Variants in ARSF observed in about 807,000 individuals in gnomAD.
The protein encoded by ARSF is arylsulfatase F.
ARSF carries 33 observed loss-of-function variants against 35.4 expected under a neutral mutation model. The observed-to-expected ratio is 0.93, with a 90% CI of 0.71 to 1.25. The LOEUF (loss-of-function observed/expected upper bound fraction) is 1.25, where lower values mean the gene tolerates loss of function less well. Among genes scored for constraint, ARSF ranks in the 50% most tolerant of loss-of-function variants. The pLI is 0.00. For synonymous variants in ARSF, 222 were observed against 193.1 expected (o/e 1.15, Z -1.24); for missense variants, 501 against 480.2 (o/e 1.04, Z -0.40).
At chrX:3,047,295 C>T (rs1253332525) in intron 1 of ARSF, among the ~76,000 whole-genome samples, 1 of 110,200 alleles carries the variant, frequency 9.1e-6, no homozygotes, top group Non-Finnish European at 1.9e-5. Context: ...TCTCCCACCT[C>T]AGCCTCCTGA....
intron 7 of ARSF, among the ~76,000 whole-genome samples, chrX:3,092,339 T>A (rs1199690008): frequency 8.9e-6 from 1 of 111,932 alleles, no homozygotes; most frequent in East Asian, 2.8e-4. Context: ...TATTTTTGAT[T>A]TGATCTTTGA....
chrX:3,080,912 G>C lies in ARSF; in HGVS notation c.305G>C (p.Arg102Thr). 8.3e-7 allele frequency: 1 copy of C among 1,211,417 alleles called. No individual in the cohort carries two copies. The highest frequency in any genetic ancestry group is 1.1e-6 in the Non-Finnish European group (1 of 895,316). Residue 102 changes from arginine to threonine, a missense_variant, in exon 5 of 11, where the codon AGA becomes ACA. Coordinates refer to ENST00000381127, the MANE Select transcript of ARSF (RefSeq NM_001201539.2). ...IRSGMVSSGN[R>T]RVIQNLAVPA... ...CTAGGTATGGTTTCTAGTGGTAATA[G>C]ACGTGTCATCCAAAATCTTGCAGTC...
At chrX:3,048,521 G>A (rs1342481815) in intron 1 of ARSF, among the ~76,000 whole-genome samples, 1 of 112,336 alleles carries the variant, frequency 8.9e-6, no homozygotes, top group African/African-American at 3.2e-5. Flanking sequence ...GGACTCAAAA[G>A]AATGTAACCT....
In ARSF at chrX:3,064,748, C is replaced by A. The variant is rs185769644; in HGVS notation, c.-28-3325C>A. Among the ~76,000 whole-genome samples, 1,036 of 111,650 alleles carry A rather than the reference C, an allele frequency of 9.3e-3. 16 individuals carry two copies. Among genetic ancestry groups the A allele is most frequent in the African/African-American group, 0.032 (979 of 30,729 alleles). On this transcript the variant is annotated intron_variant, in intron 1 of 10. Coordinates refer to ENST00000381127, the MANE Select transcript of ARSF (RefSeq NM_001201539.2). ...CAGAGAAATGCAAATCAAAACCACA[C>A]TGAGATACCATCTCACACCAGTTAG...
At chrX:3,096,537 A>G (rs2090339202) in intron 7 of ARSF, among the ~76,000 whole-genome samples, 1 of 111,892 alleles carries the variant, frequency 8.9e-6, no homozygotes, top group African/African-American at 3.2e-5. Flanking sequence ...ATAAACTGAT[A>G]GGAAATAAAC....
At chrX:3,097,047 C>CAG (rs900281283) in intron 7 of ARSF, among the ~76,000 whole-genome samples, 4 of 111,183 alleles carry the variant, frequency 3.6e-5, no homozygotes, top group Non-Finnish European at 5.7e-5. Flanking sequence ...CTAGAAACTT[C>CAG]AGAGAGAGAG....
At chrX:3,091,593 G>A (rs2090290488) in intron 7 of ARSF, among the ~76,000 whole-genome samples, 1 of 112,295 alleles carries the variant, frequency 8.9e-6, no homozygotes, top group Admixed American at 9.4e-5. Context: ...AAAAAGCAAA[G>A]CCAATTTGCA....
intron 9 of ARSF, among the ~76,000 whole-genome samples, chrX:3,108,879 G>A (rs2090426114): frequency 1.8e-5 from 2 of 110,686 alleles, no homozygotes; most frequent in South Asian, 3.9e-4. Context: ...AGCCAGGCAT[G>A]GTGGCACACG....
chrX:3,110,146 C>G lies in ARSF; in HGVS notation c.1284C>G (p.Asp428Glu). 1 of 1,195,863 alleles carries G rather than the reference C, an allele frequency of 8.4e-7. No individual in the cohort carries two copies. Among genetic ancestry groups the G allele is most frequent in the Non-Finnish European group, 1.1e-6 (1 of 886,847 alleles). The change falls in exon 10 of 11, where the codon GAC becomes GAG. Residue 428 changes from aspartate to glutamate, a missense_variant. Transcript: ENST00000381127. ...LPQDRVIDGRDLMPLLQGNVR... is the reference protein window; with the variant it reads ...LPQDRVIDGRELMPLLQGNVR... The stretch of plus-strand genomic sequence containing the variant: ...TCTGCAGGGTCATTGACGGCCGAGA[C>G]CTCATGCCCTTGCTGCAGGGCAACG...
intron 9 of ARSF, among the ~76,000 whole-genome samples, chrX:3,107,535 A>C (rs1177422309): frequency 9.0e-6 from 1 of 111,530 alleles, no homozygotes; most frequent in Non-Finnish European, 1.9e-5. Flanking sequence ...TGCAGATCAA[A>C]AGTATTTCAT....
chrX:3,040,848 C>T (rs186770369), upstream of ARSF, among the ~76,000 whole-genome samples: 161 of 111,147 alleles, frequency 1.4e-3, no homozygotes, highest in Non-Finnish European at 2.1e-3. Flanking sequence ...AACTCAGACA[C>T]GTGAAAGGGT....
At chrX:3,076,177 TTCTG>T (rs199825553) in intron 3 of ARSF, among the ~76,000 whole-genome samples, 85 of 107,510 alleles carry the variant, frequency 7.9e-4, no homozygotes, top group Middle Eastern at 4.9e-3. Context: ...GTCTCCCTCT[TTCTG>T]TCTTTCTCTC....
chrX:3,093,027 G>C (rs867558093), intron 7 of ARSF, among the ~76,000 whole-genome samples: 1 of 106,357 alleles, frequency 9.4e-6, no homozygotes, highest in African/African-American at 3.9e-5. Context: ...AAACACATCC[G>C]TGGTGGCGGG....
At position 3,112,364 on chromosome X, in the gene ARSF, T is replaced by C. The variant is rs2090452268; in HGVS notation, c.1581T>C (p.His527=). 1 of 1,208,897 alleles carries C rather than the reference T, an allele frequency of 8.3e-7. No homozygotes were observed. The highest frequency in any genetic ancestry group is 1.8e-5 in the African/African-American group (1 of 56,832). The part of the protein sequence containing the change: ...TPLTPATEPL[H]DFVIKKVANA... Reference sequence around the variant, plus strand: ...TGACACCTGCCACAGAGCCCCTCCATGATTTTGTGATTAAAAAGGTGGCCA... The same window carrying C: ...TGACACCTGCCACAGAGCCCCTCCACGATTTTGTGATTAAAAAGGTGGCCA... The change falls in exon 11 of 11, where the codon CAT becomes CAC. Residue 527 remains histidine (H), a synonymous_variant. Coordinates refer to ENST00000381127, the MANE Select transcript of ARSF (RefSeq NM_001201539.2).
At chrX:3,089,348 T>C (rs761103420) in intron 6 of ARSF, 148 bp from the exon 7 acceptor site, 7 of 581,792 alleles carry the variant, frequency 1.2e-5, no homozygotes, top group Non-Finnish European at 1.9e-5. Flanking sequence ...GTCCATTCTA[T>C]GCAGGATGGG....
intron 8 of ARSF, among the ~76,000 whole-genome samples, chrX:3,101,881 A>G (rs574805562): frequency 1.8e-5 from 2 of 112,321 alleles, no homozygotes; most frequent in South Asian, 3.7e-4. Context: ...AATGTCGAGT[A>G]TATTTTATCA....
At chrX:3,090,500 C>T (rs997108306) in intron 7 of ARSF, among the ~76,000 whole-genome samples, 1 of 111,347 alleles carries the variant, frequency 9.0e-6, no homozygotes, top group African/African-American at 3.3e-5. Flanking sequence ...GAGACCCTGT[C>T]TCTACAAAAA....
At chrX:3,105,752 C>T (rs1261528723) in intron 9 of ARSF, among the ~76,000 whole-genome samples, 2 of 112,029 alleles carry the variant, frequency 1.8e-5, no homozygotes, top group Non-Finnish European at 3.8e-5. Flanking sequence ...AGGTGTGAGC[C>T]ATCATGACCA....
intron 1 of ARSF, among the ~76,000 whole-genome samples, chrX:3,053,589 T>C (rs902837425): frequency 1.1e-4 from 12 of 109,520 alleles, no homozygotes; most frequent in Non-Finnish European, 1.7e-4. Flanking sequence ...CTACTTGTAA[T>C]GTATTTTTAT....
Sources: gnomAD v4.1 joint callset for allele counts (sites outside exome capture counted in the v4.1 genomes callset) on GRCh38, gnomAD v4.1.1 for gene constraint, MANE v1.5 for transcripts, NCBI Gene and HGNC (gene_info 2026-07-23, HGNC 2026-07-21) for gene names.